DHCR24: variants seen among roughly 807,000 people sequenced by gnomAD.
DHCR24 encodes the protein delta(24)-sterol reductase.
DHCR24 carries 28 observed loss-of-function variants against 61.2 expected under a neutral mutation model. The observed-to-expected ratio is 0.46, with a 90% CI of 0.34 to 0.63. The LOEUF (loss-of-function observed/expected upper bound fraction) is 0.63, where lower values mean the gene tolerates loss of function less well. DHCR24 is among the 20% of genes least tolerant of loss of function. The pLI is 0.01. For synonymous variants in DHCR24, 261 were observed against 275.9 expected (o/e 0.95, Z 0.54); for missense variants, 538 against 679.1 (o/e 0.79, Z 2.31).
chr1:54,877,879 C>T (rs1445444254), intron 2 of DHCR24, among the ~76,000 whole-genome samples: 1 of 151,636 alleles, frequency 6.6e-6, no homozygotes, highest in Non-Finnish European at 1.5e-5. Flanking sequence ...GGTGTGGTGG[C>T]AAGCGCCTGT....
At chr1:54,865,543 C>A (rs965020004) in intron 5 of DHCR24, 97 bp from the exon 6 acceptor site, 2 of 1,534,448 alleles carry the variant, frequency 1.3e-6, no homozygotes, top group African/African-American at 1.4e-5. Context: ...GCACTCCTGG[C>A]CTTTTCAAAG....
intron 5 of DHCR24, among the ~76,000 whole-genome samples, chr1:54,865,696 T>A (rs1267027642): frequency 1.3e-5 from 2 of 152,160 alleles, no homozygotes; most frequent in Non-Finnish European, 2.9e-5. Flanking sequence ...CCCGACAGTC[T>A]AGAGAACTCA....
At chr1:54,865,247 G>C (rs1305333543) in intron 6 of DHCR24, 56 bp downstream of exon 6, 19 of 1,582,772 alleles carry the variant, frequency 1.2e-5, no homozygotes, top group Non-Finnish European at 1.6e-5. Context: ...TTAACTGTCC[G>C]GGCTCCCTGC....
rs372557559 is a variant in DHCR24 at position 54,852,570 on chromosome 1, TG to T, written c.1398-185del. Among the ~76,000 whole-genome samples, 122 of 152,258 alleles carry T rather than the reference TG, an allele frequency of 8.0e-4. 1 individual carries two copies. The highest frequency in any genetic ancestry group is 2.6e-3 in the Admixed American group (39 of 15,290). On this transcript the variant is annotated intron_variant, in intron 8 of 8. Coordinates refer to ENST00000371269, the MANE Select transcript of DHCR24 (RefSeq NM_014762.4). Reference sequence around the variant, plus strand: ...TATCCCCCTTTTGCAGGTAGGGAATTGGGGCTTGGGGGTTAGGTAGCTTAGC... The same window carrying T: ...TATCCCCCTTTTGCAGGTAGGGAATTGGGCTTGGGGGTTAGGTAGCTTAGC...
In DHCR24 at chr1:54,868,087, C is replaced by T. The variant is rs999930517; in HGVS notation, c.877-2641G>A. ...TACCGGATGATTTTATAGCCCTTCA[C>T]AACTTTAAAATGTTTTAAGTATGTA... is the stretch of plus-strand genomic sequence containing the variant. On this transcript the variant is annotated intron_variant, in intron 5 of 8. Coordinates refer to ENST00000371269, the MANE Select transcript of DHCR24 (RefSeq NM_014762.4). 5.3e-5 allele frequency among the ~76,000 whole-genome samples: 8 copies of T among 152,202 alleles called. No homozygotes were observed. In the East Asian group the frequency reaches 1.5e-3, roughly 29 times the overall value.
At chr1:54,852,440 C>A in intron 8 of DHCR24, 54 bp from the exon 9 acceptor site, 1 of 1,604,592 alleles carries the variant, frequency 6.2e-7, no homozygotes, top group Non-Finnish European at 8.5e-7. Flanking sequence ...GAACGCGAGG[C>A]GTGAGAGAAA....
At position 54,851,271 on chromosome 1, in the gene DHCR24, A is replaced by G. The variant is rs1395988553; in HGVS notation, c.*962T>C. The G allele has an allele frequency of 6.6e-6, 1 of 152,566 alleles. No homozygotes were observed. Among genetic ancestry groups the G allele is most frequent in the East Asian group, 1.9e-4 (1 of 5,188 alleles). The allele number at this position is 152,566 out of a possible 1,614,324, so 9.5% of individuals were successfully genotyped here. ...CTACAGAAACATGAGGGTGGACTCCACTTTCCCACCTGATGCTGTCCACTC... is the reference window on the plus strand; with the variant it reads ...CTACAGAAACATGAGGGTGGACTCCGCTTTCCCACCTGATGCTGTCCACTC... On this transcript the variant is annotated 3_prime_UTR_variant, in exon 9 of 9. Transcript: ENST00000371269.
At chr1:54,858,718 A>G (rs549865551) in intron 6 of DHCR24, among the ~76,000 whole-genome samples, 111 of 151,918 alleles carry the variant, frequency 7.3e-4, no homozygotes, top group South Asian at 1.7e-3. Flanking sequence ...GCTCACCACA[A>G]CCTCCGCTTC....
chr1:54,868,111 T>C (rs2278194), intron 5 of DHCR24, among the ~76,000 whole-genome samples: 9,281 of 152,292 alleles, frequency 0.061, 359 homozygotes, highest in Admixed American at 0.12. Flanking sequence ...TTTAAGTATG[T>C]ATATAGGTAT....
chr1:54,884,422 A>G (rs1647081749), intron 1 of DHCR24, among the ~76,000 whole-genome samples: 1 of 152,232 alleles, frequency 6.6e-6, no homozygotes, highest in Admixed American at 6.5e-5. Context: ...TTTGAGGGGA[A>G]GAGGAGGAGC....
Position 54,871,339 on chromosome 1 carries a change from C to T in DHCR24, c.876+11G>A, listed in dbSNP as rs1646997751. On this transcript the variant is annotated intron_variant, in intron 5 of 8. Transcript: ENST00000371269. The stretch of plus-strand genomic sequence containing the variant: ...CAGTCTTGGTCAGCAGCAGCTGACA[C>T]CCTGGCTTACCTTGCTGGGCTCTGC... The T allele has an allele frequency of 1.9e-6, 3 of 1,613,834 alleles. No individual in the cohort carries two copies. Among genetic ancestry groups the T allele is most frequent in the African/African-American group, 1.3e-5 (1 of 75,044 alleles).
chr1:54,877,943 T>C lies in DHCR24; in HGVS notation c.388-1896A>G, dbSNP rs139582768. 7.3e-3 allele frequency among the ~76,000 whole-genome samples: 1,107 copies of C among 150,738 alleles called. 14 individuals carry two copies. Among genetic ancestry groups the C allele is most frequent in the African/African-American group, 0.025 (1,004 of 40,956 alleles). On this transcript the variant is annotated intron_variant, in intron 2 of 8. Transcript: ENST00000371269. Reference sequence around the variant, plus strand: ...AGAGAATCACTTGAACCCATGGAGGTTGCAGTGAGCCAAGACTGTACCACT... The same window carrying C: ...AGAGAATCACTTGAACCCATGGAGGCTGCAGTGAGCCAAGACTGTACCACT...
chr1:54,865,497 C>T, intron 5 of DHCR24, 51 bp from the exon 6 acceptor site: 2 of 1,611,452 alleles, frequency 1.2e-6, no homozygotes, highest in South Asian at 2.2e-5. Flanking sequence ...CGCCCAGCAC[C>T]ATCGGGGTGT....
In DHCR24 at chr1:54,887,125, G is replaced by T. The variant is rs750514458; in HGVS notation, c.-6C>A. On this transcript the variant is annotated 5_prime_UTR_variant, in exon 1 of 9. Coordinates refer to ENST00000371269, the MANE Select transcript of DHCR24 (RefSeq NM_014762.4). The stretch of plus-strand genomic sequence containing the variant: ...AGCGACACGGCGGGCTCCATGGTGC[G>T]GCGCCGCGCGGTAAGCGCTGCGGGT... 6.4e-7 allele frequency: 1 copy of T among 1,564,032 alleles called. No homozygotes were observed. The highest frequency in any genetic ancestry group is 8.7e-7 in the Non-Finnish European group (1 of 1,155,654).
At chr1:54,857,491 G>T (rs567924624) in intron 6 of DHCR24, among the ~76,000 whole-genome samples, 2 of 152,328 alleles carry the variant, frequency 1.3e-5, no homozygotes, top group South Asian at 4.1e-4. Context: ...TGCCCAGCTT[G>T]GCTCCTTTTC....
At chr1:54,863,692 T>C (rs954942739) in intron 6 of DHCR24, among the ~76,000 whole-genome samples, 5 of 152,122 alleles carry the variant, frequency 3.3e-5, no homozygotes, top group African/African-American at 1.2e-4. Flanking sequence ...AAAGGGAAAA[T>C]AGATAAATTG....
chr1:54,879,900 A>C (rs551309685), intron 2 of DHCR24, among the ~76,000 whole-genome samples: 24 of 152,210 alleles, frequency 1.6e-4, no homozygotes, highest in Non-Finnish European at 3.4e-4. Context: ...TATTAGAAAA[A>C]AAAGGTCTAA....
intron 3 of DHCR24, among the ~76,000 whole-genome samples, chr1:54,875,705 C>T (rs1647025068): frequency 1.3e-5 from 2 of 152,114 alleles, no homozygotes; most frequent in Admixed American, 6.5e-5. Flanking sequence ...GAACAAGTCA[C>T]AGGGAAGCAG....
chr1:54,882,244 G>A (rs547431644), intron 2 of DHCR24, among the ~76,000 whole-genome samples: 1 of 152,174 alleles, frequency 6.6e-6, no homozygotes, highest in Admixed American at 6.5e-5. Context: ...TAGCAAACAT[G>A]CACATGGAAA....
Sources: allele counts gnomAD v4.1 joint callset (sites outside exome capture counted in the v4.1 genomes callset), GRCh38; gene constraint gnomAD v4.1.1; transcripts MANE v1.5; gene names NCBI Gene and HGNC (gene_info 2026-07-23, HGNC 2026-07-21).